Variants in GSAP observed in about 807,000 individuals in gnomAD.
GSAP encodes gamma-secretase activating protein.
GSAP carries 118 observed loss-of-function variants against 131.7 expected under a neutral mutation model. The observed-to-expected ratio is 0.90, with a 90% CI of 0.77 to 1.04. The LOEUF is 1.04. Ranked by LOEUF, GSAP falls within the 50% of genes least tolerant of loss-of-function variation. The pLI is 0.00. For missense variants in GSAP, 1,019 were observed against 1,013.2 expected (o/e 1.01, Z -0.08); for synonymous variants, 381 against 363.4 (o/e 1.05, Z -0.55).
rs938831183 is a variant in GSAP, at chr7:77,364,335, C to T, written c.872-1675G>A. ...AGATCATAACCTCCATTCTAGCAAA[C>T]TATCTGCACTCCATCCTTTAGAGAA... is the stretch of plus-strand genomic sequence containing the variant. On this transcript the variant is annotated intron_variant, in intron 12 of 30. Coordinates refer to ENST00000257626, the MANE Select transcript of GSAP (RefSeq NM_017439.4). Among the ~76,000 whole-genome samples the T allele has an allele frequency of 2.6e-5, 4 of 152,100 alleles. No individual in the cohort carries two copies. In the South Asian group the frequency reaches 6.2e-4, roughly 24 times the overall value.
chr7:77,330,839 T>G (rs1562918138), intron 19 of GSAP: 2 of 983,278 alleles, frequency 2.0e-6, no homozygotes, highest in Non-Finnish European at 2.4e-6. Context: ...CCCAGGACAT[T>G]TTTCAAAACC....
chr7:77,414,897 G>T (rs999563238), intron 1 of GSAP, among the ~76,000 whole-genome samples: 1 of 110,280 alleles, frequency 9.1e-6, no homozygotes. Flanking sequence ...TTACTCTGTT[G>T]CCCAGGCTGG....
At chr7:77,356,723 T>C (rs1041717887) in intron 14 of GSAP, among the ~76,000 whole-genome samples, 23 of 152,208 alleles carry the variant, frequency 1.5e-4, no homozygotes, top group African/African-American at 5.5e-4. Context: ...ATACTTTTTC[T>C]AGGATCTTAG....
chr7:77,353,721 G>C, intron 16 of GSAP, 80 bp from the exon 17 acceptor site: 1 of 818,486 alleles, frequency 1.2e-6, no homozygotes, highest in South Asian at 1.5e-5. Flanking sequence ...AAATATACAT[G>C]AATCTTTTGC....
At chr7:77,387,508 A>T (rs191281227) in intron 5 of GSAP, 60 bp from the exon 6 acceptor site, 2 of 910,614 alleles carry the variant, frequency 2.2e-6, no homozygotes, top group Admixed American at 3.5e-5. Flanking sequence ...TATTTTTTCC[A>T]AAGCAAGGAG....
At chr7:77,396,832 T>C (rs760979298) in intron 5 of GSAP, 150 bp downstream of exon 5, 2 of 495,862 alleles carry the variant, frequency 4.0e-6, no homozygotes, top group Non-Finnish European at 7.0e-6. Flanking sequence ...TTTTTAAGTC[T>C]TTTTCATGCT....
At chr7:77,340,839 A>G (rs1790805954) in intron 19 of GSAP, among the ~76,000 whole-genome samples, 2 of 152,018 alleles carry the variant, frequency 1.3e-5, no homozygotes, top group South Asian at 4.1e-4. Flanking sequence ...CCCACATTGC[A>G]GCCCAGGGCT....
intron 19 of GSAP, among the ~76,000 whole-genome samples, chr7:77,334,149 A>G (rs1295377113): frequency 6.6e-6 from 1 of 152,190 alleles, no homozygotes; most frequent in Non-Finnish European, 1.5e-5. Flanking sequence ...CACTATTCAC[A>G]ATAGCAAAGA....
intron 5 of GSAP, among the ~76,000 whole-genome samples, chr7:77,391,883 C>A (rs1327462395): frequency 6.6e-6 from 1 of 152,098 alleles, no homozygotes; most frequent in East Asian, 1.9e-4. Flanking sequence ...ATTACTTCTA[C>A]AATCCCTTTC....
At chr7:77,313,384 A>G in intron 28 of GSAP, 104 bp downstream of exon 28, 2 of 650,468 alleles carry the variant, frequency 3.1e-6, no homozygotes, top group Admixed American at 5.4e-5. Context: ...GAAACAATTC[A>G]ATTGACTTTA....
chr7:77,362,476 G>A, intron 13 of GSAP, 107 bp downstream of exon 13: 1 of 644,820 alleles, frequency 1.6e-6, no homozygotes, highest in Non-Finnish European at 2.8e-6. Context: ...GACAAAGGGA[G>A]ACCCTGTCTC....
At chr7:77,364,414 T>C (rs1236038956) in intron 12 of GSAP, among the ~76,000 whole-genome samples, 1 of 150,284 alleles carries the variant, frequency 6.7e-6, no homozygotes, top group Non-Finnish European at 1.5e-5. Flanking sequence ...CAGTAAACTA[T>C]CACAAGAACA....
At chr7:77,354,766 A>G (rs972145476) in intron 16 of GSAP, among the ~76,000 whole-genome samples, 2 of 151,896 alleles carry the variant, frequency 1.3e-5, no homozygotes, top group African/African-American at 2.4e-5. Context: ...GGATAGCTGT[A>G]AAATAACACA....
At chr7:77,411,705 G>T (rs574435142) in intron 1 of GSAP, among the ~76,000 whole-genome samples, 138 of 152,268 alleles carry the variant, frequency 9.1e-4, no homozygotes, top group African/African-American at 2.9e-3. Flanking sequence ...CTGATCTATA[G>T]AGGCAATACA....
intron 26 of GSAP, among the ~76,000 whole-genome samples, chr7:77,319,214 A>C (rs1323833816): frequency 6.6e-6 from 1 of 152,162 alleles, no homozygotes; most frequent in African/African-American, 2.4e-5. Flanking sequence ...CAAGAAAACA[A>C]CCAGATTAAA....
At chr7:77,379,980 C>A in intron 8 of GSAP, 1 of 788,362 alleles carries the variant, frequency 1.3e-6, no homozygotes, top group Non-Finnish European at 1.5e-6. Flanking sequence ...TTAAAATCTT[C>A]AGAGACAATT....
At chr7:77,348,651 G>A (rs1792267138) in intron 19 of GSAP, among the ~76,000 whole-genome samples, 1 of 152,160 alleles carries the variant, frequency 6.6e-6, no homozygotes, top group Admixed American at 6.5e-5. Flanking sequence ...AAACAACAAA[G>A]GAGCTTCAAG....
intron 12 of GSAP, among the ~76,000 whole-genome samples, chr7:77,370,077 G>A (rs1335353224): frequency 2.6e-5 from 4 of 152,096 alleles, no homozygotes; most frequent in South Asian, 2.1e-4. Context: ...TAATGGTCAC[G>A]AGAAATTCCT....
At chr7:77,383,281 A>T (rs1487691730) in intron 6 of GSAP, among the ~76,000 whole-genome samples, 2 of 151,936 alleles carry the variant, frequency 1.3e-5, no homozygotes, top group East Asian at 3.9e-4. Context: ...AACCAATCAG[A>T]AACAATGCAA....
Sources: gnomAD v4.1 joint callset for allele counts (sites outside exome capture counted in the v4.1 genomes callset) on GRCh38, gnomAD v4.1.1 for gene constraint, MANE v1.5 for transcripts, NCBI Gene and HGNC (gene_info 2026-07-23, HGNC 2026-07-21) for gene names.